The following PBX1 variants were observed in gnomAD, a reference collection of about 807,000 sequenced individuals.
The protein encoded by PBX1 is PBX homeobox 1.
PBX1 carries 6 observed loss-of-function variants against 53.4 expected under a neutral mutation model. The observed-to-expected ratio is 0.11, with a 90% confidence interval of 0.06 to 0.22. PBX1 has a LOEUF of 0.22. PBX1 is among the 10% of genes least tolerant of loss of function. PBX1 has a pLI of 1.00. For missense variants in PBX1, 251 were observed against 551.4 expected (o/e 0.46, Z 5.46); for synonymous variants, 204 against 212.3 (o/e 0.96, Z 0.34).
intron 2 of PBX1, among the ~76,000 whole-genome samples, chr1:164,765,641 A>G (rs1055136339): frequency 1.3e-5 from 2 of 152,176 alleles, no homozygotes; most frequent in African/African-American, 2.4e-5. Context: ...CTGTGAGATA[A>G]ATGTGGTTCT....
intron 2 of PBX1, among the ~76,000 whole-genome samples, chr1:164,578,069 C>T (rs1264455331): frequency 6.6e-6 from 1 of 152,168 alleles, no homozygotes; most frequent in Non-Finnish European, 1.5e-5. Context: ...ATTGACTCCT[C>T]TCTAGGTGTT....
At chr1:164,625,620 C>G (rs1657983871) in intron 2 of PBX1, among the ~76,000 whole-genome samples, 1 of 152,106 alleles carries the variant, frequency 6.6e-6, no homozygotes, top group African/African-American at 2.4e-5. Context: ...AAAGCACATT[C>G]ATTATCAGTG....
At chr1:164,743,558 A>G (rs2102173092) in intron 2 of PBX1, among the ~76,000 whole-genome samples, 1 of 152,288 alleles carries the variant, frequency 6.6e-6, no homozygotes, top group Admixed American at 6.5e-5. Flanking sequence ...ATGTTTCCAA[A>G]ATTGATGCTA....
chr1:164,684,299 G>A (rs1225334846), intron 2 of PBX1: 1 of 152,088 alleles, frequency 6.6e-6, no homozygotes, highest in Non-Finnish European at 1.5e-5. Context: ...TTATCATCAT[G>A]TTTTCCCTGT....
At chr1:164,826,756 C>G (rs1276413529) in intron 8 of PBX1, among the ~76,000 whole-genome samples, 1 of 152,088 alleles carries the variant, frequency 6.6e-6, no homozygotes, top group Non-Finnish European at 1.5e-5. Flanking sequence ...TTTACTCCAG[C>G]CAGTCTTTGA....
chr1:164,682,003 A>C (rs769755393), intron 2 of PBX1: 1 of 152,222 alleles, frequency 6.6e-6, no homozygotes, highest in Non-Finnish European at 1.5e-5. Flanking sequence ...AAGCAATCAA[A>C]ATAGCACCTT....
At chr1:164,830,061 T>C (rs1293072682) in intron 8 of PBX1, 1 of 152,208 alleles carries the variant, frequency 6.6e-6, no homozygotes, top group Non-Finnish European at 1.5e-5. Flanking sequence ...GGCTACCATG[T>C]TGGCTAGTGA....
At chr1:164,729,735 G>A (rs1664884792) in intron 2 of PBX1, among the ~76,000 whole-genome samples, 1 of 152,082 alleles carries the variant, frequency 6.6e-6, no homozygotes, top group Non-Finnish European at 1.5e-5. Flanking sequence ...AATCAACCTA[G>A]GCAGGCAGTC....
At chr1:164,593,817 C>A (rs1352469267) in intron 2 of PBX1, among the ~76,000 whole-genome samples, 2 of 152,184 alleles carry the variant, frequency 1.3e-5, no homozygotes, top group Admixed American at 1.3e-4. Context: ...ATCTCCGTTT[C>A]TTCCGTGGCT....
In PBX1 at chr1:164,811,986, C is replaced by T; in HGVS notation, c.838-4C>T. On this transcript the variant is annotated splice_region_variant and splice_polypyrimidine_tract_variant and intron_variant, in intron 5 of 8. Coordinates refer to ENST00000420696, the MANE Select transcript of PBX1 (RefSeq NM_002585.4). ...CTTTCTCATCTTCTCTTAAACTACT[C>T]TAGGTATCAAACTGGTTTGGAAATA... 6.2e-7 allele frequency: 1 copy of T among 1,611,688 alleles called. No individual in the cohort carries two copies. Among genetic ancestry groups the T allele is most frequent in the Non-Finnish European group, 8.5e-7 (1 of 1,178,588 alleles).
chr1:164,602,080 G>A (rs1233138733), intron 2 of PBX1, among the ~76,000 whole-genome samples: 2 of 152,222 alleles, frequency 1.3e-5, no homozygotes, highest in Non-Finnish European at 2.9e-5. Context: ...AGAAAAGAGG[G>A]AGTTCAAGTC....
chr1:164,834,730 C>CT (rs747572887), intron 8 of PBX1, among the ~76,000 whole-genome samples: 3 of 152,206 alleles, frequency 2.0e-5, no homozygotes, highest in Non-Finnish European at 2.9e-5. Context: ...TATGAAATCC[C>CT]TTGCTAACTT....
intron 2 of PBX1, among the ~76,000 whole-genome samples, chr1:164,714,758 G>T (rs1663992112): frequency 6.6e-6 from 1 of 152,160 alleles, no homozygotes; most frequent in South Asian, 2.1e-4. Flanking sequence ...TCGTCCTAGA[G>T]CTGGAAGAAC....
chr1:164,688,832 A>G (rs979969171), intron 2 of PBX1, among the ~76,000 whole-genome samples: 2 of 152,234 alleles, frequency 1.3e-5, no homozygotes, highest in African/African-American at 4.8e-5. Flanking sequence ...TTCTTTGCAC[A>G]CAGCCTTTCA....
chr1:164,663,362 CTTTA>C (rs1462054672), intron 2 of PBX1, among the ~76,000 whole-genome samples: 1 of 151,592 alleles, frequency 6.6e-6, no homozygotes, highest in East Asian at 1.9e-4. Context: ...TCCTTCCATC[CTTTA>C]TTTAGAGATT....
At chr1:164,812,383 A>G (rs1473534163) in intron 6 of PBX1, among the ~76,000 whole-genome samples, 2 of 152,296 alleles carry the variant, frequency 1.3e-5, no homozygotes, top group Admixed American at 6.5e-5. Flanking sequence ...TAATTTGTCT[A>G]TTAAGTTAAG....
chr1:164,757,849 A>G (rs1184110042), intron 2 of PBX1, among the ~76,000 whole-genome samples: 1 of 152,206 alleles, frequency 6.6e-6, no homozygotes, highest in African/African-American at 2.4e-5. Flanking sequence ...AGCCAAAGCT[A>G]TGTTCTCATC....
intron 2 of PBX1, among the ~76,000 whole-genome samples, chr1:164,573,471 A>G (rs2101718192): frequency 6.8e-6 from 1 of 147,666 alleles, no homozygotes; most frequent in South Asian, 2.1e-4. Flanking sequence ...TGTATTTTAC[A>G]TTTACAGCAC....
chr1:164,875,988 G>GTGTATATATATATATATATATATATA (rs776802784), intron 2 of PBX1, among the ~76,000 whole-genome samples: 10 of 56,954 alleles, frequency 1.8e-4, no homozygotes, highest in South Asian at 8.8e-4. Context: ...TGGTGTATGT[G>GTGTATATATATATATATATATATATA]TATATATATA....
Sources: gnomAD v4.1 joint callset for allele counts (sites outside exome capture counted in the v4.1 genomes callset) on GRCh38, gnomAD v4.1.1 for gene constraint, MANE v1.5 for transcripts, NCBI Gene and HGNC (gene_info 2026-07-23, HGNC 2026-07-21) for gene names.